RBMS2: variants seen among roughly 807,000 people sequenced by gnomAD.
The protein encoded by RBMS2 is RNA binding motif single stranded interacting protein 2.
A neutral mutation model predicts 58.4 loss-of-function variants in RBMS2; 38 were observed. The ratio of observed to expected loss-of-function variants is 0.65; its 90% CI spans 0.50 to 0.85. The LOEUF is 0.85. Ranked by LOEUF, RBMS2 falls within the 40% of genes least tolerant of loss-of-function variation. The pLI is 0.00. For missense variants in RBMS2, 367 were observed against 503.7 expected (o/e 0.73, Z 2.60); for synonymous variants, 151 against 180.7 (o/e 0.84, Z 1.32).
At chr12:56,576,744 A>G (rs1342672720) in intron 5 of RBMS2, among the ~76,000 whole-genome samples, 1 of 152,090 alleles carries the variant, frequency 6.6e-6, no homozygotes, top group Non-Finnish European at 1.5e-5. Context: ...TATGTATATA[A>G]ATTAAAAATT....
chr12:56,585,338 C>T (rs1383367984), intron 9 of RBMS2, among the ~76,000 whole-genome samples: 2 of 152,092 alleles, frequency 1.3e-5, no homozygotes. Context: ...TTATTTAATC[C>T]AATATTGGAT....
At chr12:56,555,592 G>A (rs1232530995) in intron 1 of RBMS2, among the ~76,000 whole-genome samples, 1 of 151,534 alleles carries the variant, frequency 6.6e-6, no homozygotes, top group Non-Finnish European at 1.5e-5. Flanking sequence ...CCGCCTCTAT[G>A]CATTTTATTT....
At position 56,596,062 on chromosome 12, in the gene RBMS2, A is replaced by G; in HGVS notation, c.*6929A>G. ...TTTTTTCTTTTTAACCTTATTAAAA[A>G]TGAGATTGGTCCTAAAAATATAGAA... On this transcript the variant is annotated 3_prime_UTR_variant, in exon 14 of 14. Transcript: ENST00000262031. 6.5e-6 allele frequency: 1 copy of G among 152,726 alleles called. No homozygotes were observed. The highest frequency in any genetic ancestry group is 2.4e-5 in the African/African-American group (1 of 41,476). The allele number at this position is 152,726 out of a possible 1,614,324, so 9.5% of individuals were successfully genotyped here.
intron 1 of RBMS2, among the ~76,000 whole-genome samples, chr12:56,529,914 G>C (rs762445501): frequency 2.0e-5 from 3 of 152,084 alleles, no homozygotes; most frequent in African/African-American, 7.2e-5. Flanking sequence ...TTGAATTTAT[G>C]CTTTCTTTAT....
chr12:56,570,695 A>C (rs924000314), intron 4 of RBMS2, among the ~76,000 whole-genome samples: 2 of 152,130 alleles, frequency 1.3e-5, no homozygotes, highest in Non-Finnish European at 2.9e-5. Context: ...CTCCTGCCTC[A>C]GCCTCCCAAG....
At chr12:56,555,228 T>C (rs1176694907) in intron 1 of RBMS2, among the ~76,000 whole-genome samples, 1 of 151,984 alleles carries the variant, frequency 6.6e-6, no homozygotes, top group Admixed American at 6.6e-5. Context: ...TGTTTTTTTT[T>C]AATTGTCTAG....
chr12:56,542,009 A>G (rs1876178344), intron 1 of RBMS2, among the ~76,000 whole-genome samples: 1 of 151,950 alleles, frequency 6.6e-6, no homozygotes, highest in Admixed American at 6.6e-5. Flanking sequence ...GATTCTCTTG[A>G]TTGGGTTCCA....
intron 1 of RBMS2, among the ~76,000 whole-genome samples, chr12:56,561,764 C>A (rs1026518544): frequency 5.1e-5 from 2 of 38,928 alleles, no homozygotes; most frequent in Admixed American, 3.5e-4. Flanking sequence ...ATCCACCCCC[C>A]CCCTCCTTGG....
At position 56,524,979 on chromosome 12, in the gene RBMS2, C is replaced by T. The variant is rs565470216; in HGVS notation, c.66+2890C>T. Among the ~76,000 whole-genome samples the T allele has an allele frequency of 2.2e-4, 34 of 152,162 alleles. No individual in the cohort carries two copies. The South Asian group carries it at 7.1e-3, about 32-fold the overall frequency. On this transcript the variant is annotated intron_variant, in intron 1 of 13. Transcript: ENST00000262031. Reference sequence around the variant, plus strand: ...TCAGGTAATCTGCCTGCCTCGGCCTCCCAAAGTGCTGGGATTACAGGCATG... The same window carrying T: ...TCAGGTAATCTGCCTGCCTCGGCCTTCCAAAGTGCTGGGATTACAGGCATG...
chr12:56,579,073 T>G (rs1883541893), intron 5 of RBMS2, among the ~76,000 whole-genome samples: 1 of 152,190 alleles, frequency 6.6e-6, no homozygotes, highest in Non-Finnish European at 1.5e-5. Flanking sequence ...GTCCCCCAAC[T>G]TTGTTGTTTC....
intron 5 of RBMS2, 108 bp downstream of exon 5, chr12:56,571,963 C>A: frequency 8.7e-7 from 1 of 1,150,980 alleles, no homozygotes; most frequent in Non-Finnish European, 1.2e-6. Context: ...AAATACTTTA[C>A]TATTATTCAA....
intron 1 of RBMS2, among the ~76,000 whole-genome samples, chr12:56,523,952 C>T (rs537347691): frequency 4.5e-3 from 684 of 152,148 alleles, no homozygotes; most frequent in Non-Finnish European, 7.1e-3. Context: ...GTGAAAATTT[C>T]TTTCCTGATT....
At chr12:56,568,508 G>A (rs980426798) in intron 2 of RBMS2, among the ~76,000 whole-genome samples, 2 of 151,210 alleles carry the variant, frequency 1.3e-5, no homozygotes, top group African/African-American at 2.4e-5. Context: ...TTTATATTAA[G>A]TGTGGCATTT....
At chr12:56,550,687 C>T (rs1878091169) in intron 1 of RBMS2, among the ~76,000 whole-genome samples, 1 of 151,748 alleles carries the variant, frequency 6.6e-6, no homozygotes, top group African/African-American at 2.4e-5. Flanking sequence ...ACTAAAAATA[C>T]AAAAATTAGC....
intron 1 of RBMS2, among the ~76,000 whole-genome samples, chr12:56,531,150 AT>A (rs1873652864): frequency 6.6e-6 from 1 of 152,144 alleles, no homozygotes; most frequent in African/African-American, 2.4e-5. Flanking sequence ...TTGTATTGGA[AT>A]CATTTAGGTA....
At chr12:56,568,674 C>G in intron 2 of RBMS2, among the ~76,000 whole-genome samples, 1 of 151,728 alleles carries the variant, frequency 6.6e-6, no homozygotes, top group East Asian at 1.9e-4. Context: ...GTAGCTGGGA[C>G]TACTGGCGTG....
intron 1 of RBMS2, among the ~76,000 whole-genome samples, chr12:56,544,843 C>T (rs1436060543): frequency 6.9e-6 from 1 of 145,730 alleles, no homozygotes; most frequent in Non-Finnish European, 1.5e-5. Flanking sequence ...ATCCACCTGC[C>T]TCACACTACC....
At chr12:56,583,010 C>A (rs1267688321) in intron 9 of RBMS2, among the ~76,000 whole-genome samples, 1 of 152,144 alleles carries the variant, frequency 6.6e-6, no homozygotes, top group Non-Finnish European at 1.5e-5. Context: ...TGTTGAGATC[C>A]TCTGCTCTAA....
chr12:56,528,215 A>G (rs749586958), intron 1 of RBMS2, among the ~76,000 whole-genome samples: 29 of 150,654 alleles, frequency 1.9e-4, no homozygotes, highest in Non-Finnish European at 1.2e-4. Context: ...ATGCCACTGC[A>G]TTGCAGCCTG....
Sources: gnomAD v4.1 joint callset for allele counts (sites outside exome capture counted in the v4.1 genomes callset) on GRCh38, gnomAD v4.1.1 for gene constraint, MANE v1.5 for transcripts, NCBI Gene and HGNC (gene_info 2026-07-23, HGNC 2026-07-21) for gene names.